The following POLR2J2 variants were observed in gnomAD, a reference collection of about 807,000 sequenced individuals.
POLR2J2 encodes DNA-directed RNA polymerase II subunit RPB11-b1.
POLR2J2 carries 3 observed loss-of-function variants against 2.8 expected under a neutral mutation model. That is an observed-to-expected ratio of 1.05 (90% confidence interval 0.48 to 2.72). The LOEUF (loss-of-function observed/expected upper bound fraction) is 2.72. Among genes scored for constraint, POLR2J2 ranks in the 30% most tolerant of loss-of-function variants. The pLI is 0.04. For synonymous variants in POLR2J2, 4 were observed against 10.9 expected (o/e 0.37, Z 1.25); for missense variants, 9 against 27.8 (o/e 0.32, Z 1.52).
At chr7:102,667,692 G>C (rs1186304414) in intron 2 of POLR2J2, among the ~76,000 whole-genome samples, 3 of 152,400 alleles carry the variant, frequency 2.0e-5, no homozygotes, top group African/African-American at 7.2e-5. Flanking sequence ...TGCCCTCCGA[G>C]CAGCACAGCC....
At chr7:102,667,445 C>CCA (rs1413234046) in intron 2 of POLR2J2, among the ~76,000 whole-genome samples, 181 bp from the exon 3 acceptor site, 17 of 142,430 alleles carry the variant, frequency 1.2e-4, no homozygotes, top group Admixed American at 5.8e-4. Flanking sequence ...CCTATCCCCG[C>CCA]CACACACACA....
intron 1 of POLR2J2, 141 bp downstream of exon 1, chr7:102,671,411 T>C: frequency 1.3e-6 from 1 of 786,690 alleles, no homozygotes; most frequent in Non-Finnish European, 1.8e-6. Flanking sequence ...CGGAACGGCC[T>C]TAAATTTGGC....
intron 2 of POLR2J2, among the ~76,000 whole-genome samples, chr7:102,667,786 A>G (rs1318603824): frequency 3.9e-5 from 6 of 152,360 alleles, no homozygotes; most frequent in African/African-American, 1.4e-4. Context: ...GGTCTCCTCT[A>G]GAGCGGCTCA....
In POLR2J2 at chr7:102,667,703, G is replaced by A. The variant is rs1409757268; in HGVS notation, c.141-439C>T. Among the ~76,000 whole-genome samples, 7 of 152,404 alleles carry A rather than the reference G, an allele frequency of 4.6e-5. No homozygotes were observed. In the East Asian group the frequency reaches 5.8e-4, roughly 13 times the overall value. On this transcript the variant is annotated intron_variant, in intron 2 of 2. Transcript: ENST00000358438. ...ACTCTGCCCTCCGAGCAGCACAGCC[G>A]CCAGCGGCTGGCCACGCACACTGGG...
chr7:102,667,800 T>C (rs1792047162), intron 2 of POLR2J2, among the ~76,000 whole-genome samples: 2 of 152,280 alleles, frequency 1.3e-5, no homozygotes, highest in South Asian at 2.1e-4. Flanking sequence ...CGGCTCAGAG[T>C]GGCGTGAGCA....
chr7:102,667,380 C>CA (rs773514132), intron 2 of POLR2J2, 116 bp from the exon 3 acceptor site: 2,585 of 79,936 alleles, frequency 0.032, no homozygotes, highest in Middle Eastern at 0.075. Flanking sequence ...ACTTTTTTCC[C>CA]AAAAAGTCTT....
At chr7:102,667,842 A>G (rs1792048478) in intron 2 of POLR2J2, among the ~76,000 whole-genome samples, 1 of 152,080 alleles carries the variant, frequency 6.6e-6, no homozygotes, top group African/African-American at 2.4e-5. Flanking sequence ...AGGTGGCAAC[A>G]CTGAGCTCAA....
chr7:102,667,702 C>T (rs1389107403), intron 2 of POLR2J2, among the ~76,000 whole-genome samples: 5 of 152,198 alleles, frequency 3.3e-5, no homozygotes, highest in East Asian at 1.9e-4. Context: ...GCAGCACAGC[C>T]GCCAGCGGCT....
At chr7:102,667,850 C>T (rs1354790890) in intron 2 of POLR2J2, among the ~76,000 whole-genome samples, 1 of 151,956 alleles carries the variant, frequency 6.6e-6, no homozygotes, top group Non-Finnish European at 1.5e-5. Flanking sequence ...ACACTGAGCT[C>T]AAGAGCAGGG....
At chr7:102,667,654 G>A (rs1312078508) in intron 2 of POLR2J2, among the ~76,000 whole-genome samples, 6 of 151,438 alleles carry the variant, frequency 4.0e-5, no homozygotes, top group Non-Finnish European at 7.4e-5. Flanking sequence ...GCCAGCTCCC[G>A]GCAGTGAGTG....
chr7:102,667,776 G>C (rs1431768472), intron 2 of POLR2J2, among the ~76,000 whole-genome samples: 2 of 152,232 alleles, frequency 1.3e-5, no homozygotes, highest in Admixed American at 6.5e-5. Context: ...GGCACGCAGG[G>C]GTCTCCTCTA....
rs1312634106 is a variant in POLR2J2 at position 102,668,969 on chromosome 7, G to A, written c.86C>T (p.Ala29Val). ...TTCTTTGTTGATGGTGAATAAGCAG[G>A]CCTTGGGTACCTTGGTGTCCTTGTT... The change falls in exon 2 of 3, where the codon GCC becomes GTC. Residue 29 changes from alanine to valine, a missense_variant. Transcript: ENST00000358438. The A allele has an allele frequency of 4.0e-6, 2 of 497,136 alleles. 1 individual carries two copies. Among genetic ancestry groups the A allele is most frequent in the Admixed American group, 9.8e-5 (2 of 20,350 alleles). The allele number at this position is 497,136 out of a possible 1,614,324, so 30.8% of individuals were successfully genotyped here.
intron 2 of POLR2J2, among the ~76,000 whole-genome samples, chr7:102,667,762 C>T (rs1456030739): frequency 2.6e-5 from 4 of 152,286 alleles, no homozygotes. Context: ...CGTACTGTGC[C>T]CTGGGCACGC....
At chr7:102,667,869 G>A (rs1792048906) in intron 2 of POLR2J2, among the ~76,000 whole-genome samples, 1 of 151,118 alleles carries the variant, frequency 6.6e-6, no homozygotes, top group African/African-American at 2.4e-5. Flanking sequence ...GGGAGCAGCA[G>A]GGCCCCAGGA....
exon 3 of POLR2J2, chr7:102,666,376 A>AT (rs1456154801): frequency 9.6e-6 from 1 of 103,902 alleles, no homozygotes; most frequent in African/African-American, 3.7e-5. Flanking sequence ...GAGCTGAACC[A>AT]TGTCAAGGGT....
intron 1 of POLR2J2, chr7:102,671,303 G>C (rs1792080576): frequency 1.0e-5 from 1 of 100,288 alleles, no homozygotes; most frequent in African/African-American, 3.4e-5. Flanking sequence ...CTCTGGGTTC[G>C]AATACAAGCG....
chr7:102,667,771 G>A (rs1427661725), intron 2 of POLR2J2, among the ~76,000 whole-genome samples: 1 of 152,282 alleles, frequency 6.6e-6, no homozygotes, highest in East Asian at 1.9e-4. Context: ...CCCTGGGCAC[G>A]CAGGGGTCTC....
chr7:102,668,632 CAA>C (rs1792061392), intron 2 of POLR2J2, among the ~76,000 whole-genome samples: 1 of 99,740 alleles, frequency 1.0e-5, no homozygotes, highest in East Asian at 5.5e-4. Context: ...GCCTGGGCAA[CAA>C]AGAGAGAAAA....
At chr7:102,667,872 C>T (rs1792048977) in intron 2 of POLR2J2, among the ~76,000 whole-genome samples, 1 of 150,932 alleles carries the variant, frequency 6.6e-6, no homozygotes, top group Admixed American at 6.6e-5. Context: ...AGCAGCAGGG[C>T]CCCAGGAGAG....
Sources: gnomAD v4.1 joint callset for allele counts (sites outside exome capture counted in the v4.1 genomes callset) on GRCh38, gnomAD v4.1.1 for gene constraint, MANE v1.5 for transcripts, NCBI Gene and HGNC (gene_info 2026-07-23, HGNC 2026-07-21) for gene names.